Variants in NELL2 observed in about 807,000 individuals in gnomAD.
NELL2 encodes neural EGFL like 2.
Under a neutral mutation model 109.6 loss-of-function variants are expected in NELL2, and 41 were observed. The ratio of observed to expected loss-of-function variants is 0.37; its 90% CI spans 0.29 to 0.49. The LOEUF is 0.49. Among genes scored for constraint, NELL2 ranks in the 20% least tolerant of loss-of-function variants. The probability of loss-of-function intolerance (pLI) is 0.98; values close to 1 mark genes in which losing one functional copy is unlikely to be tolerated. For missense variants in NELL2, 900 were observed against 1,008.3 expected (o/e 0.89, Z 1.45); for synonymous variants, 355 against 344.7 (o/e 1.03, Z -0.33).
chr12:44,594,249 C>T (rs1944872864), intron 15 of NELL2, among the ~76,000 whole-genome samples: 2 of 151,940 alleles, frequency 1.3e-5, no homozygotes, highest in African/African-American at 4.8e-5. Flanking sequence ...TGTAACAAAC[C>T]TGCACCTTCT....
intron 1 of NELL2, among the ~76,000 whole-genome samples, chr12:44,898,078 G>A (rs71459276): frequency 1.3e-5 from 2 of 152,160 alleles, no homozygotes; most frequent in Non-Finnish European, 2.9e-5. Context: ...TCTGGGCAGG[G>A]CATCTCTGAA....
intron 15 of NELL2, among the ~76,000 whole-genome samples, chr12:44,599,859 T>C (rs893137421): frequency 5.3e-5 from 8 of 151,466 alleles, no homozygotes; most frequent in African/African-American, 1.9e-4. Flanking sequence ...TAAAATGAAT[T>C]ACAATTGAAT....
chr12:44,843,896 C>T (rs563480877), intron 2 of NELL2, among the ~76,000 whole-genome samples: 2 of 152,180 alleles, frequency 1.3e-5, no homozygotes, highest in South Asian at 4.1e-4. Context: ...GTGGCTCACG[C>T]TTGTGGTCCC....
chr12:44,549,348 G>C (rs982152434), intron 15 of NELL2, among the ~76,000 whole-genome samples: 2 of 152,130 alleles, frequency 1.3e-5, no homozygotes, highest in African/African-American at 4.8e-5. Context: ...TTATTCTGCT[G>C]GTTGGATAGA....
intron 9 of NELL2, among the ~76,000 whole-genome samples, chr12:44,722,945 T>C (rs551832482): frequency 6.6e-6 from 1 of 152,200 alleles, no homozygotes; most frequent in Non-Finnish European, 1.5e-5. Flanking sequence ...TCCCAGCACT[T>C]TGGGAGGCCG....
chr12:44,590,068 T>G (rs1379895412), intron 15 of NELL2, among the ~76,000 whole-genome samples: 1 of 152,198 alleles, frequency 6.6e-6, no homozygotes, highest in Non-Finnish European at 1.5e-5. Flanking sequence ...TTATAGGTAC[T>G]GATTTATTAT....
intron 13 of NELL2, among the ~76,000 whole-genome samples, chr12:44,629,872 C>G (rs2136283561): frequency 6.6e-6 from 1 of 152,266 alleles, no homozygotes; most frequent in Non-Finnish European, 1.5e-5. Context: ...TTCAGAATAT[C>G]ATCTTGCCCT....
In NELL2 at chr12:44,780,038, C is replaced by T; in HGVS notation, c.336-16G>A. ...TTCCAGGTACCTGCAGAGAGAAGAG[C>T]CACATGGGACACATTAAAAATAAAG... On this transcript the variant is annotated splice_polypyrimidine_tract_variant and intron_variant, in intron 3 of 19. Coordinates refer to ENST00000429094, the MANE Select transcript of NELL2 (RefSeq NM_001145108.2). 6.2e-7 allele frequency: 1 copy of T among 1,608,848 alleles called. No individual in the cohort carries two copies. The highest frequency in any genetic ancestry group is 8.5e-7 in the Non-Finnish European group (1 of 1,177,622).
At chr12:44,697,440 C>A (rs902510048) in intron 12 of NELL2, among the ~76,000 whole-genome samples, 4 of 152,080 alleles carry the variant, frequency 2.6e-5, no homozygotes, top group African/African-American at 4.8e-5. Context: ...ACTGGAGTAT[C>A]CAGGGAAAAT....
At chr12:44,857,155 T>C (rs531069497) in intron 2 of NELL2, among the ~76,000 whole-genome samples, 7 of 152,208 alleles carry the variant, frequency 4.6e-5, no homozygotes, top group African/African-American at 1.7e-4. Context: ...GAATGATATG[T>C]AAGAGTTCAC....
chr12:44,624,828 G>A (rs967583207), intron 13 of NELL2, among the ~76,000 whole-genome samples: 10 of 151,358 alleles, frequency 6.6e-5, no homozygotes, highest in African/African-American at 1.9e-4. Context: ...TCCTCCACGC[G>A]CAATCCAAAA....
chr12:44,703,995 G>T, intron 11 of NELL2, 141 bp from the exon 12 acceptor site: 2 of 672,052 alleles, frequency 3.0e-6, no homozygotes, highest in Non-Finnish European at 4.8e-6. Flanking sequence ...ATTTACAGAA[G>T]AATCACATGC....
intron 12 of NELL2, among the ~76,000 whole-genome samples, chr12:44,693,041 C>G (rs1047400000): frequency 6.6e-6 from 1 of 152,084 alleles, no homozygotes; most frequent in Non-Finnish European, 1.5e-5. Context: ...AGATAAGATG[C>G]TATCAAATAG....
chr12:44,677,297 T>C (rs1371008100), intron 12 of NELL2, among the ~76,000 whole-genome samples: 2 of 152,108 alleles, frequency 1.3e-5, no homozygotes, highest in African/African-American at 4.8e-5. Context: ...TAATCAATGG[T>C]AATCACTGAA....
intron 3 of NELL2, among the ~76,000 whole-genome samples, chr12:44,807,954 A>C (rs1012377640): frequency 6.6e-6 from 1 of 152,118 alleles, no homozygotes; most frequent in Non-Finnish European, 1.5e-5. Context: ...AGGAGCTACA[A>C]GATGGATGAC....
intron 5 of NELL2, among the ~76,000 whole-genome samples, chr12:44,779,103 G>C (rs891956378): frequency 1.3e-5 from 2 of 152,176 alleles, no homozygotes; most frequent in African/African-American, 4.8e-5. Flanking sequence ...AATATGGAAA[G>C]TTAAATGACA....
chr12:44,876,342 G>A (rs1945324191), upstream of NELL2: 2 of 1,194,564 alleles, frequency 1.7e-6, no homozygotes, highest in East Asian at 7.6e-5. Context: ...GACGCGCGGA[G>A]AGACTGCTCC....
chr12:44,547,483 A>G (rs1253221603), intron 15 of NELL2, among the ~76,000 whole-genome samples: 2 of 152,264 alleles, frequency 1.3e-5, no homozygotes, highest in Admixed American at 6.5e-5. Context: ...GTAAATATGC[A>G]TCTTACTCAT....
At chr12:44,916,095 G>T (rs1170338656), upstream of NELL2, among the ~76,000 whole-genome samples, 1 of 152,150 alleles carries the variant, frequency 6.6e-6, no homozygotes, top group African/African-American at 2.4e-5. Context: ...TTAAATCAAA[G>T]TTAAAGTATC....
Sources: gnomAD v4.1 joint callset for allele counts (sites outside exome capture counted in the v4.1 genomes callset) on GRCh38, gnomAD v4.1.1 for gene constraint, MANE v1.5 for transcripts, NCBI Gene and HGNC (gene_info 2026-07-23, HGNC 2026-07-21) for gene names.